FBXW7: variants seen among roughly 807,000 people sequenced by gnomAD.
FBXW7 encodes F-box/WD repeat-containing protein 7.
In FBXW7, 11 loss-of-function variants were observed where a neutral mutation model predicts 86.3. The ratio of observed to expected loss-of-function variants is 0.13; its 90% CI spans 0.08 to 0.21. The LOEUF is 0.21. Among genes scored for constraint, FBXW7 ranks in the 10% least tolerant of loss-of-function variants. FBXW7 has a pLI of 1.00. For synonymous variants in FBXW7, 313 were observed against 297.9 expected (o/e 1.05, Z -0.52); for missense variants, 488 against 847.4 (o/e 0.58, Z 5.27).
At chr4:152,467,616 T>C (rs1298634578) in intron 2 of FBXW7, among the ~76,000 whole-genome samples, 3 of 152,178 alleles carry the variant, frequency 2.0e-5, no homozygotes, top group African/African-American at 7.2e-5. Flanking sequence ...CTTAAAACAA[T>C]TAGCTGAGGA....
chr4:152,328,799 A>G (rs1347456246), intron 10 of FBXW7: 1 of 153,130 alleles, frequency 6.5e-6, no homozygotes, highest in African/African-American at 2.4e-5. Context: ...ACCACATTTC[A>G]TCTGAATCTG....
At chr4:152,330,905 CAAT>C (rs746988732) in intron 8 of FBXW7, 37 bp from the exon 9 acceptor site, 4 of 1,594,616 alleles carry the variant, frequency 2.5e-6, no homozygotes, top group Admixed American at 3.4e-5. Context: ...TTGCCTTCAC[CAAT>C]AATAACAGTT....
chr4:152,350,864 T>C (rs1419755253), intron 4 of FBXW7, among the ~76,000 whole-genome samples: 5 of 151,998 alleles, frequency 3.3e-5, no homozygotes, highest in African/African-American at 1.2e-4. Context: ...ATGCCTCTTC[T>C]ATAAGGTGTA....
chr4:152,474,342 A>G (rs1454834698), intron 2 of FBXW7, among the ~76,000 whole-genome samples: 3 of 152,232 alleles, frequency 2.0e-5, no homozygotes, highest in Non-Finnish European at 4.4e-5. Flanking sequence ...ATGTTTAGAT[A>G]GTGTTCGTAA....
chr4:152,520,698 C>A (rs569309297), intron 2 of FBXW7, among the ~76,000 whole-genome samples: 1 of 152,104 alleles, frequency 6.6e-6, no homozygotes, highest in Non-Finnish European at 1.5e-5. Context: ...AAACTCAACA[C>A]CAGAACGGAC....
chr4:152,500,518 A>C (rs1043307861), intron 2 of FBXW7, among the ~76,000 whole-genome samples: 4 of 151,740 alleles, frequency 2.6e-5, no homozygotes, highest in Admixed American at 1.3e-4. Context: ...AAAAAAAAAA[A>C]AACTTTAAAA....
chr4:152,479,461 T>C (rs1744691460), intron 2 of FBXW7, among the ~76,000 whole-genome samples: 2 of 152,138 alleles, frequency 1.3e-5, no homozygotes, highest in African/African-American at 4.8e-5. Flanking sequence ...TCGCCTGTCC[T>C]AGAATAGTCT....
intron 2 of FBXW7, among the ~76,000 whole-genome samples, chr4:152,455,989 C>T (rs1291184367): frequency 6.6e-6 from 1 of 152,016 alleles, no homozygotes; most frequent in African/African-American, 2.4e-5. Context: ...AGGATATGGA[C>T]ATCTTTCAGG....
chr4:152,407,108 G>A (rs1211726475), intron 4 of FBXW7, among the ~76,000 whole-genome samples: 1 of 152,158 alleles, frequency 6.6e-6, no homozygotes, highest in Admixed American at 6.5e-5. Flanking sequence ...TAGGTTCACT[G>A]AGATTATATA....
chr4:152,405,190 C>T (rs1313505168), intron 4 of FBXW7, among the ~76,000 whole-genome samples: 2 of 145,138 alleles, frequency 1.4e-5, no homozygotes, highest in African/African-American at 5.1e-5. Flanking sequence ...GGACTGAAAA[C>T]AAATTTACCA....
At chr4:152,488,833 T>C (rs962028881) in intron 2 of FBXW7, among the ~76,000 whole-genome samples, 7 of 152,048 alleles carry the variant, frequency 4.6e-5, no homozygotes, top group African/African-American at 1.7e-4. Flanking sequence ...AAATGTTCAT[T>C]TATTCAATTA....
intron 2 of FBXW7, among the ~76,000 whole-genome samples, chr4:152,507,363 ATTG>A (rs1487776661): frequency 6.6e-6 from 1 of 152,250 alleles, no homozygotes. Flanking sequence ...AGTTTTTTAA[ATTG>A]TTATTATCAA....
chr4:152,470,779 ATATACATACATTTTTT>A lies in FBXW7; in HGVS notation c.-119-58266_-119-58251del, dbSNP rs1209319436. On this transcript the variant is annotated intron_variant, in intron 2 of 13. Coordinates refer to ENST00000281708, the MANE Select transcript of FBXW7 (RefSeq NM_001349798.2). Reference sequence around the variant, plus strand: ...CAATTTACTCTGTATTTGAAAAAGCATATACATACATTTTTTAATCACCTCATGCCTCACGGAGATT... The same window carrying A: ...CAATTTACTCTGTATTTGAAAAAGCAAATCACCTCATGCCTCACGGAGATT... Among the ~76,000 whole-genome samples, 3 of 152,270 alleles carry A rather than the reference ATATACATACATTTTTT, an allele frequency of 2.0e-5. No individual in the cohort carries two copies. The East Asian group carries it at 5.8e-4, about 29-fold the overall frequency.
In FBXW7 at chr4:152,419,869, TG is replaced by T. The variant is rs774121258; in HGVS notation, c.-119-7341del. Among the ~76,000 whole-genome samples the T allele has an allele frequency of 8.5e-5, 13 of 152,330 alleles. No individual in the cohort carries two copies. The East Asian group carries it at 2.5e-3, about 29-fold the overall frequency. ...ACTATACTGCTTAAAAAAATGCTAA[TG>T]ATCAACTGAGACTTCAGTGAGTCCA... is the stretch of plus-strand genomic sequence containing the variant. On this transcript the variant is annotated intron_variant, in intron 2 of 13. Coordinates refer to ENST00000281708, the MANE Select transcript of FBXW7 (RefSeq NM_001349798.2).
chr4:152,400,544 A>G (rs1736834201), intron 4 of FBXW7, among the ~76,000 whole-genome samples: 1 of 151,766 alleles, frequency 6.6e-6, no homozygotes, highest in African/African-American at 2.4e-5. Context: ...AGGAGGTCTC[A>G]GTATGTTGCC....
chr4:152,400,505 C>G (rs1028251469), intron 4 of FBXW7, among the ~76,000 whole-genome samples: 2 of 151,738 alleles, frequency 1.3e-5, no homozygotes. Context: ...CCATGCCTGG[C>G]TAATTTTGTG....
Position 152,457,486 on chromosome 4 carries a change from C to CA in FBXW7, c.-119-44958dup, listed in dbSNP as rs1464003475. ...TGAAACCCCATCTCTGCTAAAAATA[C>CA]AAAAAAAATTAGCTGGGCGTGGTGG... On this transcript the variant is annotated intron_variant, in intron 2 of 13. Coordinates refer to ENST00000281708, the MANE Select transcript of FBXW7 (RefSeq NM_001349798.2). Among the ~76,000 whole-genome samples, 12 of 151,224 alleles carry CA rather than the reference C, an allele frequency of 7.9e-5. No homozygotes were observed. The East Asian group carries it at 2.1e-3, about 27-fold the overall frequency.
chr4:152,524,253 G>A (rs1313922716), intron 2 of FBXW7, among the ~76,000 whole-genome samples: 1 of 152,148 alleles, frequency 6.6e-6, no homozygotes, highest in African/African-American at 2.4e-5. Context: ...CAGCAGAGCT[G>A]GAACCTGGGT....
Position 152,420,663 on chromosome 4 carries a change from T to C in FBXW7, c.-119-8134A>G, listed in dbSNP as rs554538888. Reference sequence around the variant, plus strand: ...CAAGCATGAAAAAATAGGAATCTCCTTGTACATCTCCATCAGAGTTCTTGG... The same window carrying C: ...CAAGCATGAAAAAATAGGAATCTCCCTGTACATCTCCATCAGAGTTCTTGG... On this transcript the variant is annotated intron_variant, in intron 2 of 13. Transcript: ENST00000281708. 2.3e-4 allele frequency among the ~76,000 whole-genome samples: 35 copies of C among 152,326 alleles called. No homozygotes were observed. The East Asian group carries it at 6.8e-3, about 29-fold the overall frequency.
Sources: gnomAD v4.1 joint callset for allele counts (sites outside exome capture counted in the v4.1 genomes callset) on GRCh38, gnomAD v4.1.1 for gene constraint, MANE v1.5 for transcripts, NCBI Gene and HGNC (gene_info 2026-07-23, HGNC 2026-07-21) for gene names.